The following AGBL1 variants were observed in gnomAD, a reference collection of about 807,000 sequenced individuals.
AGBL1 encodes the protein AGBL carboxypeptidase 1.
Under a neutral mutation model 118.9 loss-of-function variants are expected in AGBL1, and 130 were observed. That is an observed-to-expected ratio of 1.09 (90% CI 0.95 to 1.26). AGBL1 has a LOEUF of 1.26. AGBL1 is among the 50% of genes most tolerant of loss of function. The pLI, the probability that AGBL1 is intolerant of heterozygous loss-of-function variation, is 0.00. For missense variants in AGBL1, 1,584 were observed against 1,298.1 expected (o/e 1.22, Z -3.38); for synonymous variants, 555 against 478.9 (o/e 1.16, Z -2.08).
intron 21 of AGBL1, among the ~76,000 whole-genome samples, chr15:86,603,601 A>C (rs2084529358): frequency 1.3e-5 from 2 of 152,136 alleles, no homozygotes. Flanking sequence ...CAGAAAAGAA[A>C]TCTTTGTTTT....
At chr15:86,406,367 G>A (rs971575629) in intron 18 of AGBL1, among the ~76,000 whole-genome samples, 8 of 152,106 alleles carry the variant, frequency 5.3e-5, no homozygotes, top group Admixed American at 5.2e-4. Context: ...GCCGTAGTAT[G>A]GTTCTTAGCA....
At chr15:86,720,230 C>T (rs935001845) in intron 22 of AGBL1, among the ~76,000 whole-genome samples, 1 of 152,072 alleles carries the variant, frequency 6.6e-6, no homozygotes. Flanking sequence ...CTTTTTTCTC[C>T]ACCTCCTAAC....
chr15:86,201,637 A>G (rs990312687), intron 5 of AGBL1, among the ~76,000 whole-genome samples: 1 of 152,114 alleles, frequency 6.6e-6, no homozygotes, highest in African/African-American at 2.4e-5. Flanking sequence ...ATTTACCTCT[A>G]CCTCACCATG....
chr15:86,665,266 A>G (rs1035327657), intron 21 of AGBL1, among the ~76,000 whole-genome samples: 5 of 152,110 alleles, frequency 3.3e-5, no homozygotes, highest in African/African-American at 1.2e-4. Flanking sequence ...CTTAATATTA[A>G]TTTCTGAAAT....
intron 21 of AGBL1, among the ~76,000 whole-genome samples, chr15:86,557,278 A>G (rs2083748328): frequency 6.6e-6 from 1 of 152,166 alleles, no homozygotes; most frequent in Admixed American, 6.5e-5. Flanking sequence ...TCATTTTTTT[A>G]GAGGCATCCC....
chr15:86,100,670 C>T (rs528676365), intron 1 of AGBL1, among the ~76,000 whole-genome samples: 8 of 152,138 alleles, frequency 5.3e-5, no homozygotes, highest in Non-Finnish European at 1.2e-4. Flanking sequence ...ATAATAGTCT[C>T]TGATGATCTT....
intron 18 of AGBL1, among the ~76,000 whole-genome samples, chr15:86,473,798 T>C (rs751684552): frequency 1.3e-5 from 2 of 152,212 alleles, no homozygotes; most frequent in Non-Finnish European, 2.9e-5. Context: ...CGTTTGCCTA[T>C]ATCATTGATT....
intron 6 of AGBL1, among the ~76,000 whole-genome samples, chr15:86,230,906 C>T (rs917054648): frequency 4.6e-5 from 7 of 152,068 alleles, no homozygotes; most frequent in Non-Finnish European, 1.0e-4. Context: ...GAGACACAGT[C>T]ACAAAAAACA....
At chr15:86,814,859 A>G (rs896117402) in intron 22 of AGBL1, among the ~76,000 whole-genome samples, 1 of 152,228 alleles carries the variant, frequency 6.6e-6, no homozygotes, top group Admixed American at 6.5e-5. Flanking sequence ...GAGGTTAAAA[A>G]TACCTACTAT....
intron 18 of AGBL1, among the ~76,000 whole-genome samples, chr15:86,495,049 C>G (rs1472701568): frequency 1.3e-5 from 2 of 151,732 alleles, no homozygotes; most frequent in African/African-American, 4.8e-5. Context: ...TTGCAACATC[C>G]TGAACCTGGC....
chr15:86,759,303 A>C (rs1035378238), intron 22 of AGBL1, among the ~76,000 whole-genome samples: 2 of 152,130 alleles, frequency 1.3e-5, no homozygotes, highest in Non-Finnish European at 2.9e-5. Flanking sequence ...CTAGCATGAG[A>C]CTTTTTTAGA....
At chr15:86,297,975 G>A (rs985991638) in intron 17 of AGBL1, among the ~76,000 whole-genome samples, 1 of 152,000 alleles carries the variant, frequency 6.6e-6, no homozygotes, top group Non-Finnish European at 1.5e-5. Flanking sequence ...AAGCATTTAT[G>A]CTAAATTGAC....
intron 22 of AGBL1, among the ~76,000 whole-genome samples, chr15:86,795,737 AC>A (rs2078560952): frequency 6.6e-6 from 1 of 151,464 alleles, no homozygotes; most frequent in African/African-American, 2.4e-5. Context: ...GGTGCTCGCC[AC>A]AACACCCAGC....
chr15:86,344,692 C>A (rs7174821), intron 17 of AGBL1, among the ~76,000 whole-genome samples: 18,228 of 151,804 alleles, frequency 0.12, 1,162 homozygotes, highest in Admixed American at 0.17. Flanking sequence ...AGTAATAACA[C>A]CTCCATATGT....
At chr15:86,940,038 A>C (rs892311) in intron 23 of AGBL1, among the ~76,000 whole-genome samples, 101,831 of 144,098 alleles carry the variant, frequency 0.71, 37,182 homozygotes, top group South Asian at 0.88. Flanking sequence ...TGTGTCAACA[A>C]ACTCAGCTAA....
chr15:86,963,549 C>A (rs2081015506), intron 23 of AGBL1, among the ~76,000 whole-genome samples: 1 of 151,798 alleles, frequency 6.6e-6, no homozygotes, highest in South Asian at 2.1e-4. Flanking sequence ...AAAGTTATAG[C>A]AAGAAGTTTC....
At chr15:86,467,687 C>T (rs1026395666) in intron 18 of AGBL1, among the ~76,000 whole-genome samples, 1 of 152,206 alleles carries the variant, frequency 6.6e-6, no homozygotes, top group African/African-American at 2.4e-5. Flanking sequence ...CACTGCCCCT[C>T]ATCACACAGT....
At chr15:86,231,452 G>T (rs538457331) in intron 6 of AGBL1, among the ~76,000 whole-genome samples, 2 of 152,330 alleles carry the variant, frequency 1.3e-5, no homozygotes, top group African/African-American at 4.8e-5. Context: ...TTTCTGTGAT[G>T]AGCCAAAAAT....
intron 18 of AGBL1, among the ~76,000 whole-genome samples, chr15:86,438,663 T>C (rs2082026678): frequency 6.6e-6 from 1 of 150,716 alleles, no homozygotes; most frequent in Non-Finnish European, 1.5e-5. Context: ...GTCTCTTTTT[T>C]TTTTTTTTTT....
Sources: allele counts gnomAD v4.1 joint callset (sites outside exome capture counted in the v4.1 genomes callset), GRCh38; gene constraint gnomAD v4.1.1; transcripts MANE v1.5; gene names NCBI Gene and HGNC (gene_info 2026-07-23, HGNC 2026-07-21).